SH3RF1: variants seen among roughly 807,000 people sequenced by gnomAD.
SH3RF1 encodes the protein SH3 domain containing ring finger 1, also known as E3 ubiquitin-protein ligase SH3RF1.
In SH3RF1, 32 loss-of-function variants were observed where a neutral mutation model predicts 74.0. That is an observed-to-expected ratio of 0.43 (90% CI 0.33 to 0.58). SH3RF1 has a LOEUF of 0.58. Among genes scored for constraint, SH3RF1 ranks in the 20% least tolerant of loss-of-function variants. The pLI is 0.05. For synonymous variants in SH3RF1, 396 were observed against 439.6 expected (o/e 0.90, Z 1.24); for missense variants, 954 against 1,130.9 (o/e 0.84, Z 2.24).
intron 11 of SH3RF1, among the ~76,000 whole-genome samples, chr4:169,103,603 C>T (rs540134238): frequency 6.6e-6 from 1 of 152,258 alleles, no homozygotes; most frequent in Admixed American, 6.5e-5. Flanking sequence ...AAATTCTATA[C>T]TTGGTGGCTT....
rs139584771 is a variant in SH3RF1, at chr4:169,138,474, G to A, written c.766-1854C>T. ...TCTTCTTCCACCATAAGCTTATTTA[G>A]ACACCTAGAAACAAATCTTTGAAAG... On this transcript the variant is annotated intron_variant, in intron 4 of 11. Transcript: ENST00000284637. 2.6e-4 allele frequency among the ~76,000 whole-genome samples: 40 copies of A among 152,324 alleles called. No homozygotes were observed. The East Asian group carries it at 6.2e-3, about 23-fold the overall frequency.
intron 2 of SH3RF1, among the ~76,000 whole-genome samples, chr4:169,257,809 T>C (rs79431285): frequency 0.019 from 2,868 of 152,310 alleles, 94 homozygotes; most frequent in African/African-American, 0.065. Context: ...AAACCAGCCC[T>C]ATTTAGAGCT....
At chr4:169,149,462 T>G (rs1334092914) in intron 4 of SH3RF1, among the ~76,000 whole-genome samples, 3 of 152,178 alleles carry the variant, frequency 2.0e-5, no homozygotes, top group African/African-American at 7.2e-5. Flanking sequence ...TAGTCTACAG[T>G]GCTTAAAGAA....
rs201743684 is a variant in SH3RF1, at chr4:169,269,160, C to A, written c.53G>T (p.Arg18Leu). 7 of 1,610,382 alleles carry A rather than the reference C, an allele frequency of 4.3e-6. No individual in the cohort carries two copies. Among genetic ancestry groups the A allele is most frequent in the Non-Finnish European group, 5.9e-6 (7 of 1,179,576 alleles). ...CAAGACCTTCGCAGAAGCATCAAGG[C>A]GCTCTAGACACACCGGACACTCCAA... ...DLLECPVCLERLDASAKVLPC... is the reference protein window; with the variant it reads ...DLLECPVCLELLDASAKVLPC... Residue 18 changes from arginine to leucine, a missense_variant, in exon 2 of 12, where the codon CGC becomes CTC. Coordinates refer to ENST00000284637, the MANE Select transcript of SH3RF1 (RefSeq NM_020870.4).
At chr4:169,102,058 C>T (rs1378781070) in intron 11 of SH3RF1, among the ~76,000 whole-genome samples, 3 of 152,136 alleles carry the variant, frequency 2.0e-5, no homozygotes, top group Admixed American at 2.0e-4. Context: ...CTAATCGCCC[C>T]TGGTATAGCC....
intron 4 of SH3RF1, among the ~76,000 whole-genome samples, chr4:169,140,659 T>G (rs937518640): frequency 1.3e-5 from 2 of 152,088 alleles, no homozygotes; most frequent in African/African-American, 2.4e-5. Context: ...AAAATAAACT[T>G]TTTTGTGTGT....
chr4:169,223,966 G>A (rs554036877), intron 2 of SH3RF1, among the ~76,000 whole-genome samples: 1 of 152,344 alleles, frequency 6.6e-6, no homozygotes, highest in East Asian at 1.9e-4. Flanking sequence ...AGAGGTAAGA[G>A]ATGTTGCTGG....
chr4:169,100,392 A>C (rs1420407376), intron 11 of SH3RF1, among the ~76,000 whole-genome samples: 1 of 152,078 alleles, frequency 6.6e-6, no homozygotes, highest in Non-Finnish European at 1.5e-5. Flanking sequence ...CCCAGGCTAG[A>C]GTGCAATGGC....
chr4:169,218,486 T>A (rs895400939), intron 2 of SH3RF1, among the ~76,000 whole-genome samples: 1 of 145,664 alleles, frequency 6.9e-6, no homozygotes, highest in Admixed American at 7.0e-5. Flanking sequence ...ATTATATATT[T>A]TATATATAGT....
chr4:169,172,011 G>T (rs1734336860), intron 2 of SH3RF1, among the ~76,000 whole-genome samples: 1 of 152,160 alleles, frequency 6.6e-6, no homozygotes. Context: ...CTACAGAATA[G>T]AATGTTATAA....
chr4:169,172,894 A>T (rs906746814), intron 2 of SH3RF1, among the ~76,000 whole-genome samples: 1 of 152,328 alleles, frequency 6.6e-6, no homozygotes, highest in African/African-American at 2.4e-5. Context: ...CTAGGGTAGG[A>T]GAGAAGAGAG....
chr4:169,099,066 T>C (rs1453291683), intron 11 of SH3RF1, among the ~76,000 whole-genome samples: 1 of 152,224 alleles, frequency 6.6e-6, no homozygotes. Context: ...AAACTTTAGA[T>C]CAACACAGTT....
chr4:169,096,497 A>G lies in SH3RF1; in HGVS notation c.*22T>C. On this transcript the variant is annotated 3_prime_UTR_variant, in exon 12 of 12. Coordinates refer to ENST00000284637, the MANE Select transcript of SH3RF1 (RefSeq NM_020870.4). ...TACTTTGTTGTGTGAAGTGATTTTA[A>G]GCTTCTTCAGTGTCAGTCTCCTCAT... 4.4e-6 allele frequency: 7 copies of G among 1,607,950 alleles called. No individual in the cohort carries two copies. The highest frequency in any genetic ancestry group is 5.1e-6 in the Non-Finnish European group (6 of 1,177,452).
chr4:169,211,460 C>A (rs942235883), intron 2 of SH3RF1, among the ~76,000 whole-genome samples: 4 of 119,712 alleles, frequency 3.3e-5, no homozygotes, highest in African/African-American at 9.6e-5. Flanking sequence ...CCAGCCTGGG[C>A]AACAGAGCGA....
intron 10 of SH3RF1, among the ~76,000 whole-genome samples, chr4:169,115,094 G>A (rs1733309130): frequency 6.6e-6 from 1 of 151,600 alleles, no homozygotes; most frequent in Non-Finnish European, 1.5e-5. Context: ...CCCAACCATC[G>A]GTTATTCTTT....
rs1734035735 is a variant in SH3RF1, at chr4:169,155,587, G to A, written c.670-12C>T. On this transcript the variant is annotated splice_polypyrimidine_tract_variant and intron_variant, in intron 3 of 11. Transcript: ENST00000284637. ...GTCAGAACATCATCCTGAAGAAACAGCAAATCATTAATCTACCTGATCATT... is the reference window on the plus strand; with the variant it reads ...GTCAGAACATCATCCTGAAGAAACAACAAATCATTAATCTACCTGATCATT... The A allele has an allele frequency of 7.6e-6, 12 of 1,588,894 alleles. No individual in the cohort carries two copies. The highest frequency in any genetic ancestry group is 1.3e-5 in the African/African-American group (1 of 74,352).
chr4:169,120,264 T>C (rs538939630), intron 8 of SH3RF1, among the ~76,000 whole-genome samples: 2 of 152,334 alleles, frequency 1.3e-5, no homozygotes, highest in South Asian at 4.1e-4. Flanking sequence ...TAGAATTCAT[T>C]GTCAGAATTC....
chr4:169,247,588 T>C (rs78163732), intron 2 of SH3RF1, among the ~76,000 whole-genome samples: 2,191 of 152,090 alleles, frequency 0.014, 51 homozygotes, highest in African/African-American at 0.049. Flanking sequence ...ATAACACATA[T>C]AGGGTGGGGG....
chr4:169,209,484 T>G (rs761266294), intron 2 of SH3RF1, among the ~76,000 whole-genome samples: 12 of 152,148 alleles, frequency 7.9e-5, no homozygotes, highest in Non-Finnish European at 1.8e-4. Context: ...GGGCTGTAAT[T>G]AAATAGTTAA....
Sources: gnomAD v4.1 joint callset for allele counts (sites outside exome capture counted in the v4.1 genomes callset) on GRCh38, gnomAD v4.1.1 for gene constraint, MANE v1.5 for transcripts, NCBI Gene and HGNC (gene_info 2026-07-23, HGNC 2026-07-21) for gene names.